The following BMERB1 variants were observed in gnomAD, a reference collection of about 807,000 sequenced individuals.
BMERB1 encodes the protein bMERB domain-containing protein 1.
In BMERB1, 12 loss-of-function variants were observed where a neutral mutation model predicts 23.6. The observed-to-expected ratio is 0.51, with a 90% CI of 0.33 to 0.82. BMERB1 has a LOEUF of 0.82. BMERB1 is among the 40% of genes least tolerant of loss of function. The pLI is 0.03. For synonymous variants in BMERB1, 122 were observed against 96.6 expected, an observed-to-expected ratio of 1.26 and a Z score of -1.54; for missense variants, 247 against 255.4, an observed-to-expected ratio of 0.97 and a Z score of 0.22.
Position 15,529,716 on chromosome 16 carries a change from C to T in BMERB1, c.230+14288C>T, listed in dbSNP as rs975552798. On this transcript the variant is annotated intron_variant, in intron 2 of 5. Transcript: ENST00000300006. ...AGGGCTCATCTTCCTGCTTCTCCCA[C>T]GGTCACATAATCTCAAGGGTTCCCT... Among the ~76,000 whole-genome samples the T allele has an allele frequency of 8.5e-5, 13 of 152,192 alleles. No homozygotes were observed. The East Asian group carries it at 9.6e-4, about 11-fold the overall frequency.
chr16:15,557,414 A>C (rs2030293836), intron 2 of BMERB1, among the ~76,000 whole-genome samples: 1 of 152,208 alleles, frequency 6.6e-6, no homozygotes, highest in African/African-American at 2.4e-5. Flanking sequence ...CTTTTAAAGC[A>C]CTTTGCATGA....
chr16:15,571,800 C>T (rs1170710631), intron 3 of BMERB1, among the ~76,000 whole-genome samples: 1 of 152,108 alleles, frequency 6.6e-6, no homozygotes, highest in Non-Finnish European at 1.5e-5. Context: ...AAATCATCGT[C>T]CCTCCGCCCA....
chr16:15,557,545 A>G (rs1598518546), intron 2 of BMERB1, among the ~76,000 whole-genome samples: 3 of 152,194 alleles, frequency 2.0e-5, no homozygotes, highest in South Asian at 2.1e-4. Flanking sequence ...AAATGCACCT[A>G]TCCACACATA....
chr16:15,496,596 T>C (rs1193398634), intron 1 of BMERB1, among the ~76,000 whole-genome samples: 2 of 151,896 alleles, frequency 1.3e-5, no homozygotes, highest in African/African-American at 2.4e-5. Flanking sequence ...TGGAGTGCAG[T>C]GGTGCGATCT....
chr16:15,584,829 G>C (rs1329618206), intron 5 of BMERB1, among the ~76,000 whole-genome samples: 2 of 152,078 alleles, frequency 1.3e-5, no homozygotes, highest in African/African-American at 4.8e-5. Flanking sequence ...TCTTTTCCCT[G>C]GTATCGAAAT....
intron 2 of BMERB1, among the ~76,000 whole-genome samples, chr16:15,531,569 G>A (rs2051967582): frequency 6.6e-6 from 1 of 152,198 alleles, no homozygotes; most frequent in Non-Finnish European, 1.5e-5. Context: ...GCCCTGGTGA[G>A]GCTGGGGAAA....
chr16:15,534,675 T>G (rs994379986), intron 2 of BMERB1, among the ~76,000 whole-genome samples: 67 of 152,330 alleles, frequency 4.4e-4, no homozygotes, highest in Non-Finnish European at 1.3e-4. Context: ...CCCTGTGCCA[T>G]AAGGCAGTGG....
intron 4 of BMERB1, among the ~76,000 whole-genome samples, chr16:15,581,681 T>C (rs1307661859): frequency 6.6e-6 from 1 of 152,200 alleles, no homozygotes; most frequent in Non-Finnish European, 1.5e-5. Context: ...CTCTGCCACC[T>C]GAACTGACTT....
chr16:15,512,922 A>G (rs774517109), intron 1 of BMERB1, among the ~76,000 whole-genome samples: 1 of 152,024 alleles, frequency 6.6e-6, no homozygotes, highest in African/African-American at 2.4e-5. Flanking sequence ...AACTTTCCAA[A>G]TCATGGGTAT....
chr16:15,474,096 G>A (rs995601916), intron 1 of BMERB1, among the ~76,000 whole-genome samples: 22 of 149,322 alleles, frequency 1.5e-4, no homozygotes, highest in Admixed American at 8.0e-4. Flanking sequence ...CTCCAGCCTC[G>A]GTGACAGAGT....
At chr16:15,456,337 C>T (rs538212234) in intron 1 of BMERB1, among the ~76,000 whole-genome samples, 16 of 150,138 alleles carry the variant, frequency 1.1e-4, no homozygotes, top group African/African-American at 2.7e-4. Context: ...TTATCTTTTC[C>T]TTGTTTTTTT....
intron 1 of BMERB1, among the ~76,000 whole-genome samples, chr16:15,456,046 C>A (rs530427950): frequency 6.6e-6 from 1 of 152,082 alleles, no homozygotes; most frequent in Non-Finnish European, 1.5e-5. Context: ...ACTGTCAGTA[C>A]GCTTTTAAAA....
At chr16:15,546,114 C>G (rs1267793630) in intron 2 of BMERB1, among the ~76,000 whole-genome samples, 2 of 152,058 alleles carry the variant, frequency 1.3e-5, no homozygotes, top group South Asian at 2.1e-4. Flanking sequence ...ATGGTGGAAC[C>G]CCCTCTCTAT....
intron 1 of BMERB1, among the ~76,000 whole-genome samples, chr16:15,467,517 C>T (rs995809590): frequency 1.3e-5 from 2 of 152,098 alleles, no homozygotes; most frequent in Non-Finnish European, 2.9e-5. Flanking sequence ...TGTTCATGTC[C>T]TTTGTCCACT....
chr16:15,484,109 G>A (rs183786522), intron 1 of BMERB1, among the ~76,000 whole-genome samples: 3 of 152,210 alleles, frequency 2.0e-5, no homozygotes, highest in Admixed American at 1.3e-4. Context: ...GGGAATTAAG[G>A]GTGAGAACTC....
intron 1 of BMERB1, among the ~76,000 whole-genome samples, chr16:15,503,768 T>A (rs1006620326): frequency 1.3e-5 from 2 of 152,156 alleles, no homozygotes; most frequent in African/African-American, 4.8e-5. Flanking sequence ...ATCAAGTAAT[T>A]TGCCCAGGTC....
rs775656246 is a variant in BMERB1 at position 15,587,030 on chromosome 16, G to A, written c.*201G>A. 128 of 558,018 alleles carry A rather than the reference G, an allele frequency of 2.3e-4. 1 individual carries two copies. Among genetic ancestry groups the A allele is most frequent in the East Asian group, 3.4e-4 (11 of 32,832 alleles). The allele number at this position is 558,018 out of a possible 1,614,324, so 34.6% of individuals were successfully genotyped here. Reference sequence around the variant, plus strand: ...TAGCAGTAGGGAGTCTCTCACCGTCGCATGGTCCTCCCCAGAGCATGCCGA... The same window carrying A: ...TAGCAGTAGGGAGTCTCTCACCGTCACATGGTCCTCCCCAGAGCATGCCGA... On this transcript the variant is annotated 3_prime_UTR_variant, in exon 6 of 6. Transcript: ENST00000300006.
At chr16:15,502,106 G>A (rs2150943602) in intron 1 of BMERB1, among the ~76,000 whole-genome samples, 1 of 152,298 alleles carries the variant, frequency 6.6e-6, no homozygotes, top group South Asian at 2.1e-4. Context: ...AAAGATGCCG[G>A]ACCATCTACT....
chr16:15,441,873 A>G (rs1428938940), intron 1 of BMERB1, among the ~76,000 whole-genome samples: 1 of 152,196 alleles, frequency 6.6e-6, no homozygotes, highest in Non-Finnish European at 1.5e-5. Flanking sequence ...GAATAAGTCC[A>G]TAGCGGGGCA....
Sources: gnomAD v4.1 joint callset for allele counts (sites outside exome capture counted in the v4.1 genomes callset) on GRCh38, gnomAD v4.1.1 for gene constraint, MANE v1.5 for transcripts, NCBI Gene and HGNC (gene_info 2026-07-23, HGNC 2026-07-21) for gene names.